Variants in RYR2 observed in about 807,000 individuals in gnomAD.
RYR2 encodes the protein cardiac muscle ryanodine receptor-calcium release channel.
In RYR2, 227 loss-of-function variants were observed where a neutral mutation model predicts 601.1. The observed-to-expected ratio is 0.38, with a 90% CI of 0.34 to 0.42. The LOEUF is 0.42. RYR2 is among the 10% of genes least tolerant of loss of function. The probability of loss-of-function intolerance (pLI) is 1.00; values close to 1 mark genes in which losing one functional copy is unlikely to be tolerated. For synonymous variants in RYR2, 2,223 were observed against 2,175.1 expected (o/e 1.02, Z -0.61); for missense variants, 4,646 against 6,156.5 (o/e 0.75, Z 8.21).
intron 40 of RYR2, 52 bp from the exon 41 acceptor site, chr1:237,627,755 G>A: frequency 6.7e-7 from 1 of 1,497,730 alleles, no homozygotes; most frequent in East Asian, 2.5e-5. Context: ...ATGTCCAACT[G>A]ATTTGTCTTC....
chr1:237,354,082 A>G (rs1230362423), intron 3 of RYR2, among the ~76,000 whole-genome samples: 1 of 152,164 alleles, frequency 6.6e-6, no homozygotes, highest in African/African-American at 2.4e-5. Flanking sequence ...CAGTCTTTTA[A>G]CCCTGTGGAC....
Position 237,296,783 on chromosome 1 carries a change from G to A in RYR2, c.168+26167G>A, listed in dbSNP as rs376607469. ...AAGGGGCTCAGGTCAAGCACTTCTGGCATTTAGAGGCAGATCAGAGGAGAA... is the reference window on the plus strand; with the variant it reads ...AAGGGGCTCAGGTCAAGCACTTCTGACATTTAGAGGCAGATCAGAGGAGAA... On this transcript the variant is annotated intron_variant, in intron 2 of 104. Coordinates refer to ENST00000366574, the MANE Select transcript of RYR2 (RefSeq NM_001035.3). 3.3e-4 allele frequency among the ~76,000 whole-genome samples: 50 copies of A among 152,266 alleles called. No homozygotes were observed. The South Asian group carries it at 9.3e-3, about 28-fold the overall frequency.
intron 27 of RYR2, among the ~76,000 whole-genome samples, chr1:237,558,315 G>A (rs888897067): frequency 6.6e-6 from 1 of 152,186 alleles, no homozygotes; most frequent in Non-Finnish European, 1.5e-5. Context: ...TTCCTAAGGA[G>A]TAGAAGTTAG....
At chr1:237,830,464 C>A (rs1663646773) in intron 102 of RYR2, 66 bp from the exon 103 acceptor site, 2 of 931,534 alleles carry the variant, frequency 2.1e-6, no homozygotes, top group Non-Finnish European at 3.6e-6. Context: ...CCCTACATGG[C>A]GAGTTGTGTT....
intron 74 of RYR2, among the ~76,000 whole-genome samples, chr1:237,724,254 T>TTA (rs1216745002): frequency 6.8e-5 from 10 of 147,406 alleles, no homozygotes; most frequent in South Asian, 2.1e-4. Flanking sequence ...ATAAATTAAA[T>TTA]TATATATATA....
intron 29 of RYR2, among the ~76,000 whole-genome samples, chr1:237,588,769 G>T (rs1462391147): frequency 1.3e-5 from 2 of 151,998 alleles, no homozygotes; most frequent in Non-Finnish European, 2.9e-5. Context: ...GGAGGCGGAG[G>T]TTGCAGTGAG....
chr1:237,084,168 G>A (rs144278313), intron 1 of RYR2, among the ~76,000 whole-genome samples: 119 of 152,208 alleles, frequency 7.8e-4, no homozygotes, highest in African/African-American at 2.6e-3. Context: ...GCTCACCGTG[G>A]AAAGGACATT....
chr1:237,452,733 T>C (rs1290113836), intron 14 of RYR2, among the ~76,000 whole-genome samples: 1 of 151,392 alleles, frequency 6.6e-6, no homozygotes, highest in African/African-American at 2.4e-5. Context: ...TCTAGCATAG[T>C]GTGATTCTAC....
intron 8 of RYR2, among the ~76,000 whole-genome samples, chr1:237,378,888 T>A (rs1450513477): frequency 1.3e-5 from 2 of 152,208 alleles, no homozygotes; most frequent in Non-Finnish European, 2.9e-5. Flanking sequence ...TGACAGAAAC[T>A]ATTAAATTAA....
intron 11 of RYR2, among the ~76,000 whole-genome samples, chr1:237,418,167 C>T (rs967881805): frequency 3.9e-5 from 6 of 152,044 alleles, no homozygotes; most frequent in Admixed American, 1.3e-4. Flanking sequence ...CTCAGCCTCC[C>T]GAGTAGCTGG....
At position 237,597,961 on chromosome 1, in the gene RYR2, A is replaced by G. The variant is rs537836163; in HGVS notation, c.4596+2304A>G. ...TCACTTCACCTTTAAGGACAGACATAGCCTGAAAGTGAAGGGATGGAAAAA... is the reference window on the plus strand; with the variant it reads ...TCACTTCACCTTTAAGGACAGACATGGCCTGAAAGTGAAGGGATGGAAAAA... On this transcript the variant is annotated intron_variant, in intron 34 of 104. Transcript: ENST00000366574. Among the ~76,000 whole-genome samples, 5 of 152,344 alleles carry G rather than the reference A, an allele frequency of 3.3e-5. No homozygotes were observed. In the South Asian group the frequency reaches 8.3e-4, roughly 25 times the overall value.
intron 96 of RYR2, among the ~76,000 whole-genome samples, chr1:237,796,967 T>TA (rs1452317903): frequency 6.6e-6 from 1 of 151,994 alleles, no homozygotes; most frequent in African/African-American, 2.4e-5. Flanking sequence ...GTATATTTAG[T>TA]AAAGACAAGG....
At chr1:237,157,050 C>G (rs1675427793) in intron 1 of RYR2, among the ~76,000 whole-genome samples, 1 of 152,050 alleles carries the variant, frequency 6.6e-6, no homozygotes, top group Admixed American at 6.6e-5. Context: ...AATCCCAGCA[C>G]TTTGGGAGGC....
intron 1 of RYR2, among the ~76,000 whole-genome samples, chr1:237,208,962 A>ATATATATATGTG (rs1558427918): frequency 9.6e-5 from 10 of 103,928 alleles, no homozygotes; most frequent in African/African-American, 1.9e-4. Flanking sequence ...ATATATATAT[A>ATATATATATGTG]TATATATATA....
chr1:237,785,311 T>C (rs1238137585), intron 90 of RYR2, among the ~76,000 whole-genome samples: 5 of 152,196 alleles, frequency 3.3e-5, no homozygotes, highest in Admixed American at 6.5e-5. Context: ...TCACAGAGCA[T>C]TGAAATTTTC....
chr1:237,464,580 T>C (rs1336351011), intron 16 of RYR2, among the ~76,000 whole-genome samples: 1 of 152,156 alleles, frequency 6.6e-6, no homozygotes, highest in Non-Finnish European at 1.5e-5. Context: ...AATATCAATC[T>C]TCCTCAAGCT....
At chr1:237,434,932 C>T (rs1208876982) in intron 12 of RYR2, among the ~76,000 whole-genome samples, 2 of 152,070 alleles carry the variant, frequency 1.3e-5, no homozygotes, top group Non-Finnish European at 2.9e-5. Flanking sequence ...TGCACCATCA[C>T]ACCCAGCAAA....
At chr1:237,151,068 A>G (rs1674657677) in intron 1 of RYR2, among the ~76,000 whole-genome samples, 1 of 152,166 alleles carries the variant, frequency 6.6e-6, no homozygotes, top group African/African-American at 2.4e-5. Flanking sequence ...TAGATTTTAA[A>G]TTTATGATTC....
At chr1:237,405,332 C>A (rs1468933185) in intron 10 of RYR2, among the ~76,000 whole-genome samples, 6 of 152,162 alleles carry the variant, frequency 3.9e-5, no homozygotes, top group Non-Finnish European at 5.9e-5. Flanking sequence ...GTGGGGTGAT[C>A]AACTATGTCA....
Sources: gnomAD v4.1 joint callset for allele counts (sites outside exome capture counted in the v4.1 genomes callset) on GRCh38, gnomAD v4.1.1 for gene constraint, MANE v1.5 for transcripts, NCBI Gene and HGNC (gene_info 2026-07-23, HGNC 2026-07-21) for gene names.